The following BRWD3 variants were observed in gnomAD, a reference collection of about 807,000 sequenced individuals.
BRWD3 encodes bromodomain and WD repeat domain containing 3.
A neutral mutation model predicts 149.7 loss-of-function variants in BRWD3; 10 were observed. The ratio of observed to expected loss-of-function variants is 0.07; its 90% confidence interval spans 0.04 to 0.11. The LOEUF (loss-of-function observed/expected upper bound fraction) is 0.11, where lower values mean the gene tolerates loss of function less well. Ranked by LOEUF, BRWD3 falls within the 10% of genes least tolerant of loss-of-function variation. The pLI is 1.00. For missense variants in BRWD3, 940 were observed against 1,373.2 expected, an observed-to-expected ratio of 0.68 and a Z score of 4.99; for synonymous variants, 504 against 456.7, an observed-to-expected ratio of 1.10 and a Z score of -1.32.
chrX:80,680,969 CTTTTTTT>C (rs904634410), intron 40 of BRWD3, among the ~76,000 whole-genome samples: 4 of 74,759 alleles, frequency 5.4e-5, no homozygotes, highest in African/African-American at 2.0e-4. Context: ...CATGTGGCTA[CTTTTTTT>C]TTTTTTTTTT....
At position 80,677,320 on chromosome X, in the gene BRWD3, C is replaced by T. The variant is rs2072377218; in HGVS notation, c.4698G>A (p.Glu1566=). The change falls in exon 41 of 41, where the codon GAG becomes GAA. Residue 1566 remains glutamate (E), a synonymous_variant. Coordinates refer to ENST00000373275, the MANE Select transcript of BRWD3 (RefSeq NM_153252.5). ...DGPLTNGDGR[E]PRTGIKRKLL... is the part of the protein sequence containing the mutation. ...GTTTTCTCTTGATTCCTGTCCGGGG[C>T]TCTCTGCCATCACCATTTGTAAGGG... The T allele has an allele frequency of 8.3e-7, 1 of 1,207,445 alleles. No homozygotes were observed. Among genetic ancestry groups the T allele is most frequent in the Non-Finnish European group, 1.1e-6 (1 of 893,782 alleles).
intron 6 of BRWD3, among the ~76,000 whole-genome samples, chrX:80,765,574 C>T (rs1286743077): frequency 8.9e-6 from 1 of 111,769 alleles, no homozygotes; most frequent in Admixed American, 9.5e-5. Flanking sequence ...GAACTGAGTA[C>T]TGTAAGTGTT....
At chrX:80,737,103 C>T (rs886848620) in intron 8 of BRWD3, among the ~76,000 whole-genome samples, 1 of 111,459 alleles carries the variant, frequency 9.0e-6, no homozygotes, top group African/African-American at 3.3e-5. Flanking sequence ...ACAAAAATTA[C>T]TCATTAATAT....
chrX:80,688,036 CAT>C, intron 34 of BRWD3, 31 bp downstream of exon 34: 2 of 1,121,866 alleles, frequency 1.8e-6, no homozygotes, highest in Non-Finnish European at 2.5e-6. Flanking sequence ...AACCTGAAAA[CAT>C]ATCTCCTCAG....
chrX:80,692,059 T>C lies in BRWD3; in HGVS notation c.3325+30A>G, dbSNP rs187993255. On this transcript the variant is annotated intron_variant, in intron 29 of 40. Coordinates refer to ENST00000373275, the MANE Select transcript of BRWD3 (RefSeq NM_153252.5). ...GATTACCATTTTACTTTTAAAAGAA[T>C]TATAATTCATTTTTTAAAAGCATAT... is the stretch of plus-strand genomic sequence containing the variant. 3.3e-6 allele frequency: 4 copies of C among 1,194,516 alleles called. No individual in the cohort carries two copies. In the African/African-American group the frequency reaches 5.3e-5, roughly 16 times the overall value.
At chrX:80,797,438 G>C (rs1038730126) in intron 4 of BRWD3, among the ~76,000 whole-genome samples, 23 of 111,481 alleles carry the variant, frequency 2.1e-4, no homozygotes, top group African/African-American at 7.2e-4. Context: ...ATACAATCCA[G>C]AAAATGGGAG....
intron 25 of BRWD3, among the ~76,000 whole-genome samples, chrX:80,699,223 T>C (rs1047321712): frequency 9.0e-6 from 1 of 110,508 alleles, no homozygotes; most frequent in African/African-American, 3.3e-5. Flanking sequence ...GCAAAATAAA[T>C]AAAAAATAAA....
At chrX:80,686,388 T>C (rs1001450968) in intron 35 of BRWD3, among the ~76,000 whole-genome samples, 2 of 108,785 alleles carry the variant, frequency 1.8e-5, no homozygotes, top group Non-Finnish European at 3.8e-5. Context: ...AACCTGCACG[T>C]TGTGCACATG....
At chrX:80,755,366 A>T (rs1241729328) in intron 6 of BRWD3, among the ~76,000 whole-genome samples, 1 of 112,156 alleles carries the variant, frequency 8.9e-6, no homozygotes, top group African/African-American at 3.2e-5. Flanking sequence ...TAGGAAATAT[A>T]AATAATATGC....
At chrX:80,721,183 T>C (rs1275626351) in intron 17 of BRWD3, among the ~76,000 whole-genome samples, 2 of 112,426 alleles carry the variant, frequency 1.8e-5, no homozygotes, top group African/African-American at 6.5e-5. Context: ...AATCTTTTTC[T>C]TTCTTAAGTA....
rs2072373519 is a variant in BRWD3, at chrX:80,677,030, C to A, written c.4988G>T (p.Arg1663Ile). The change falls in exon 41 of 41, where the codon AGA (arginine) becomes ATA (isoleucine). Residue 1663 changes from arginine to isoleucine, a missense_variant. Around this residue, in one of 6 missense-constraint regions of BRWD3, gnomAD observed 349 missense variants for 419.6 expected, o/e 0.83. Transcript: ENST00000373275. ...TCCTGTGCCTCTGGTCTTCCAATTTCTTTTTCCATTGCCATGTTGCTTTCT... is the reference window on the plus strand; with the variant it reads ...TCCTGTGCCTCTGGTCTTCCAATTTATTTTTCCATTGCCATGTTGCTTTCT... The part of the protein sequence containing the change: ...KLRKQHGNGK[R>I]NWKTRGTGGR... 2 of 1,211,422 alleles carry A rather than the reference C, an allele frequency of 1.7e-6. No homozygotes were observed. The highest frequency in any genetic ancestry group is 2.3e-4 in the Middle Eastern group (1 of 4,355).
chrX:80,712,923 G>C (rs1344303146), intron 20 of BRWD3, among the ~76,000 whole-genome samples: 1 of 108,037 alleles, frequency 9.3e-6, no homozygotes, highest in Non-Finnish European at 1.9e-5. Context: ...CAGCCGCCCC[G>C]TCTGAGAAGT....
chrX:80,809,464 G>T lies in BRWD3; in HGVS notation c.8C>A (p.Ala3Glu). 1.7e-6 allele frequency: 2 copies of T among 1,167,130 alleles called. No homozygotes were observed. Among genetic ancestry groups the T allele is most frequent in the South Asian group, 3.8e-5 (2 of 52,912 alleles). The part of the protein sequence containing the change: MA[A>E]APTQIEAELY... ...ACCGGCTTCGATCTGGGTAGGTGCT[G>T]CCGCCATCCTTTTCCCGAGGGGGTT... Residue 3 changes from alanine (A) to glutamate (E), a missense_variant, in exon 1 of 41, where the codon GCA (alanine) becomes GAA (glutamate). Transcript: ENST00000373275.
At chrX:80,719,415 C>A in intron 18 of BRWD3, 74 bp downstream of exon 18, 1 of 941,658 alleles carries the variant, frequency 1.1e-6, no homozygotes, top group Non-Finnish European at 1.5e-6. Flanking sequence ...AAATATTTTC[C>A]ATGTAATTAT....
chrX:80,807,052 C>T (rs2074355134), intron 4 of BRWD3, among the ~76,000 whole-genome samples: 1 of 112,156 alleles, frequency 8.9e-6, no homozygotes, highest in Non-Finnish European at 1.9e-5. Context: ...ATTTTCAATA[C>T]ACCTCAGTAT....
At chrX:80,767,993 G>T (rs139989234) in intron 6 of BRWD3, among the ~76,000 whole-genome samples, 48 of 111,169 alleles carry the variant, frequency 4.3e-4, no homozygotes, top group Admixed American at 1.9e-3. Context: ...AGTGACTGAA[G>T]ATCAAATTAA....
At position 80,710,743 on chromosome X, in the gene BRWD3, T is replaced by C. The variant is rs2072952454; in HGVS notation, c.2326-1166A>G. The C allele has an allele frequency of 5.8e-6, 3 of 521,268 alleles. No individual in the cohort carries two copies. The African/African-American group carries it at 7.0e-5, about 12-fold the overall frequency. The allele number at this position is 521,268 out of a possible 1,213,427, so 43.0% of individuals were successfully genotyped here. A position where few individuals can be genotyped will look rare whatever the true frequency, so the allele number is the denominator to read the frequency against. On this transcript the variant is annotated intron_variant, in intron 20 of 40. Transcript: ENST00000373275. The stretch of plus-strand genomic sequence containing the variant: ...CAGCCTATGTATGTATTATCAAATA[T>C]GTAATAATGCTGGAAGACATACTGA...
At chrX:80,715,368 GA>G (rs758363914) in intron 20 of BRWD3, among the ~76,000 whole-genome samples, 2 of 111,317 alleles carry the variant, frequency 1.8e-5, no homozygotes. Context: ...ATCAATTATG[GA>G]AAAAAATGCA....
At position 80,673,484 on chromosome X, in the gene BRWD3, T is replaced by A. The variant is rs1156997697; in HGVS notation, c.*3125A>T. 1 of 110,756 alleles carries A rather than the reference T, an allele frequency of 9.0e-6. No individual in the cohort carries two copies. Among genetic ancestry groups the A allele is most frequent in the African/African-American group, 3.3e-5 (1 of 30,454 alleles). 9.1% of individuals were successfully genotyped at this position (110,756 alleles called of 1,213,427 possible). A position where few individuals can be genotyped will look rare whatever the true frequency, so the allele number is the denominator to read the frequency against. On this transcript the variant is annotated 3_prime_UTR_variant, in exon 41 of 41. Transcript: ENST00000373275. Reference sequence around the variant, plus strand: ...TTTTGAATGTCTGAGATAAGGTGTGTCAAGTTGGGGAAAAAACTTTACACA... The same window carrying A: ...TTTTGAATGTCTGAGATAAGGTGTGACAAGTTGGGGAAAAAACTTTACACA...
Sources: gnomAD v4.1 joint callset for allele counts (sites outside exome capture counted in the v4.1 genomes callset) on GRCh38, gnomAD v4.1.1 for gene constraint, gnomAD v4.1.1 regional missense constraint, MANE v1.5 for transcripts, NCBI Gene and HGNC (gene_info 2026-07-23, HGNC 2026-07-21) for gene names.